Variants in HERPUD2 observed in about 807,000 individuals in gnomAD.
HERPUD2 encodes HERPUD family member 2, also known as homocysteine-responsive endoplasmic reticulum-resident ubiquitin-like domain member 2 protein.
Under a neutral mutation model 49.9 loss-of-function variants are expected in HERPUD2, and 13 were observed. That is an observed-to-expected ratio of 0.26 (90% CI 0.17 to 0.41). The LOEUF (loss-of-function observed/expected upper bound fraction) is 0.41, where lower values mean the gene tolerates loss of function less well. Ranked by LOEUF, HERPUD2 falls within the 10% of genes least tolerant of loss-of-function variation. The probability of loss-of-function intolerance (pLI) is 1.00; values close to 1 mark genes in which losing one functional copy is unlikely to be tolerated. For missense variants in HERPUD2, 449 were observed against 492.2 expected, an observed-to-expected ratio of 0.91 and a Z score of 0.83; for synonymous variants, 172 against 171.4, an observed-to-expected ratio of 1.00 and a Z score of -0.03.
chr7:35,687,674 T>C (rs1487084141), intron 2 of HERPUD2, among the ~76,000 whole-genome samples: 1 of 152,240 alleles, frequency 6.6e-6, no homozygotes, highest in African/African-American at 2.4e-5. Context: ...GACTTTTTTG[T>C]TGTTTCTAAA....
chr7:35,656,760 G>A (rs1024601417), intron 5 of HERPUD2, among the ~76,000 whole-genome samples: 10 of 152,128 alleles, frequency 6.6e-5, no homozygotes, highest in African/African-American at 1.7e-4. Context: ...ATACACTGGG[G>A]AAAGAACACC....
chr7:35,694,301 C>T lies in HERPUD2; in HGVS notation c.30G>A (p.Val10=), dbSNP rs749839280. The part of the protein sequence containing the change: MDQSGMEIP[V]TLIIKAPNQK... ...GATTCGGTGCTTTAATGATGAGGGT[C>T]ACAGGAATCTCCATCCCACTTTGGT... Residue 10 remains valine, a synonymous_variant, in exon 2 of 9, where the codon GTG becomes GTA. Transcript: ENST00000311350. 8 of 1,614,096 alleles carry T rather than the reference C, an allele frequency of 5.0e-6. No individual in the cohort carries two copies. The African/African-American group carries it at 9.3e-5, about 19-fold the overall frequency.
intron 5 of HERPUD2, among the ~76,000 whole-genome samples, chr7:35,659,394 C>G (rs1279133797): frequency 1.3e-5 from 2 of 152,210 alleles, no homozygotes; most frequent in Admixed American, 1.3e-4. Context: ...ATTCATTTGA[C>G]TGTTTTAGTG....
chr7:35,653,131 C>G lies in HERPUD2; in HGVS notation c.494+14303G>C, dbSNP rs113567157. Reference sequence around the variant, plus strand: ...AATTAAACTTATCACTTAAAAGATACAGAGGGGCTGAAAGAATTTTTTTAA... The same window carrying G: ...AATTAAACTTATCACTTAAAAGATAGAGAGGGGCTGAAAGAATTTTTTTAA... On this transcript the variant is annotated intron_variant, in intron 5 of 8. Coordinates refer to ENST00000311350, the MANE Select transcript of HERPUD2 (RefSeq NM_022373.5). Among the ~76,000 whole-genome samples the G allele has an allele frequency of 3.2e-3, 483 of 152,168 alleles. 3 individuals carry two copies. Among genetic ancestry groups the G allele is most frequent in the South Asian group, 6.0e-3 (29 of 4,826 alleles).
chr7:35,691,107 T>C (rs1324233289), intron 2 of HERPUD2, among the ~76,000 whole-genome samples: 4 of 152,190 alleles, frequency 2.6e-5, no homozygotes, highest in Admixed American at 6.5e-5. Context: ...TCTTCACACT[T>C]AGCATAAATA....
intron 5 of HERPUD2, 131 bp downstream of exon 5, chr7:35,667,303 A>T: frequency 1.2e-6 from 1 of 859,420 alleles, no homozygotes; most frequent in African/African-American, 1.7e-5. Flanking sequence ...AGTTCTCAAA[A>T]TACAAAATCA....
intron 5 of HERPUD2, among the ~76,000 whole-genome samples, chr7:35,645,027 G>C (rs977107719): frequency 9.9e-5 from 15 of 152,140 alleles, no homozygotes; most frequent in African/African-American, 3.6e-4. Context: ...TCTAGGTTTT[G>C]TTTTAAACTC....
At chr7:35,685,405 C>T (rs1786015640) in intron 2 of HERPUD2, among the ~76,000 whole-genome samples, 2 of 150,276 alleles carry the variant, frequency 1.3e-5, no homozygotes, top group South Asian at 4.2e-4. Flanking sequence ...CTCCCAGCAA[C>T]CTCCGCCTCC....
At chr7:35,681,910 C>G (rs1785899699) in intron 2 of HERPUD2, among the ~76,000 whole-genome samples, 2 of 152,062 alleles carry the variant, frequency 1.3e-5, no homozygotes, top group Admixed American at 1.3e-4. Context: ...TAGAATTAGG[C>G]AGTGATTATG....
In HERPUD2 at chr7:35,695,078, A is replaced by G. The variant is rs1786292022; in HGVS notation, c.-575T>C. 6.6e-6 allele frequency: 1 copy of G among 152,540 alleles called. No individual in the cohort carries two copies. Among genetic ancestry groups the G allele is most frequent in the Non-Finnish European group, 1.5e-5 (1 of 68,316 alleles). The allele number at this position is 152,540 out of a possible 1,614,324, so 9.4% of individuals were successfully genotyped here. A position where few individuals can be genotyped will look rare whatever the true frequency, so the allele number is the denominator to read the frequency against. On this transcript the variant is annotated 5_prime_UTR_variant, in exon 1 of 9. Transcript: ENST00000311350. Reference sequence around the variant, plus strand: ...GGGGGCGGCCCAGGCGACTACAGGTAGCAGGAGGGCGGGGACGAGAGCCGT... The same window carrying G: ...GGGGGCGGCCCAGGCGACTACAGGTGGCAGGAGGGCGGGGACGAGAGCCGT...
chr7:35,682,262 T>C (rs1785911539), intron 2 of HERPUD2, among the ~76,000 whole-genome samples: 1 of 84,168 alleles, frequency 1.2e-5, no homozygotes, highest in African/African-American at 5.3e-5. Context: ...TGTGTGTGTG[T>C]ATATATAGAT....
intron 3 of HERPUD2, among the ~76,000 whole-genome samples, chr7:35,671,910 G>A (rs541824267): frequency 2.6e-4 from 40 of 151,486 alleles, no homozygotes; most frequent in Non-Finnish European, 5.5e-4. Flanking sequence ...GGACTATACC[G>A]AAATATATTT....
intron 5 of HERPUD2, among the ~76,000 whole-genome samples, chr7:35,647,574 G>GA (rs1343764707): frequency 6.6e-6 from 1 of 152,116 alleles, no homozygotes; most frequent in Non-Finnish European, 1.5e-5. Context: ...GATCTGACCA[G>GA]AAAAAAGTTT....
At chr7:35,680,597 C>G (rs1045891993) in intron 2 of HERPUD2, among the ~76,000 whole-genome samples, 5 of 152,164 alleles carry the variant, frequency 3.3e-5, no homozygotes, top group Non-Finnish European at 7.4e-5. Flanking sequence ...AACTGACATT[C>G]ACTTAGCTCC....
At chr7:35,633,929 T>C (rs928202751) in intron 8 of HERPUD2, 78 bp from the exon 9 acceptor site, 7 of 1,425,278 alleles carry the variant, frequency 4.9e-6, no homozygotes, top group Middle Eastern at 1.8e-4. Flanking sequence ...GTTAAATTCT[T>C]TGTAGAACAA....
chr7:35,642,795 CA>C (rs1038583901), intron 5 of HERPUD2, among the ~76,000 whole-genome samples: 11 of 152,206 alleles, frequency 7.2e-5, no homozygotes, highest in African/African-American at 2.4e-4. Context: ...ACAGACACTT[CA>C]GCGTACTTGA....
intron 2 of HERPUD2, among the ~76,000 whole-genome samples, chr7:35,682,170 C>T (rs910724230): frequency 6.6e-6 from 1 of 151,400 alleles, no homozygotes; most frequent in Non-Finnish European, 1.5e-5. Flanking sequence ...TCCTGAGTAG[C>T]TGGGACTACA....
At chr7:35,664,788 T>G (rs545076272) in intron 5 of HERPUD2, among the ~76,000 whole-genome samples, 1 of 152,336 alleles carries the variant, frequency 6.6e-6, no homozygotes, top group East Asian at 1.9e-4. Flanking sequence ...GTTAGCCATT[T>G]GTCTACTCTT....
At position 35,670,167 on chromosome 7, in the gene HERPUD2, C is replaced by T. The variant is rs556366957; in HGVS notation, c.339+48G>A. On this transcript the variant is annotated intron_variant, in intron 4 of 8. Coordinates refer to ENST00000311350, the MANE Select transcript of HERPUD2 (RefSeq NM_022373.5). ...TTAGAGGCAAAAAATAAGACGACGACGAAAAAAAAAGAAAAGTTCAATGTT... is the reference window on the plus strand; with the variant it reads ...TTAGAGGCAAAAAATAAGACGACGATGAAAAAAAAAGAAAAGTTCAATGTT... 724 of 911,554 alleles carry T rather than the reference C, an allele frequency of 7.9e-4. 16 individuals carry two copies. The South Asian group carries it at 0.011, about 14-fold the overall frequency. 56.5% of individuals were successfully genotyped at this position (911,554 alleles called of 1,614,324 possible).
Sources: gnomAD v4.1 joint callset for allele counts (sites outside exome capture counted in the v4.1 genomes callset) on GRCh38, gnomAD v4.1.1 for gene constraint, MANE v1.5 for transcripts, NCBI Gene and HGNC (gene_info 2026-07-23, HGNC 2026-07-21) for gene names.